Variants in WRN observed in about 807,000 individuals in gnomAD.
The protein encoded by WRN is bifunctional 3'-5' exonuclease/ATP-dependent helicase WRN.
WRN carries 149 observed loss-of-function variants against 180.7 expected under a neutral mutation model. The ratio of observed to expected loss-of-function variants is 0.82; its 90% CI spans 0.72 to 0.94. The LOEUF (loss-of-function observed/expected upper bound fraction) is 0.94. Among genes scored for constraint, WRN ranks in the 40% least tolerant of loss-of-function variants. The pLI, the probability that WRN is intolerant of heterozygous loss-of-function variation, is 0.00. For missense variants in WRN, 1,661 were observed against 1,700.1 expected (o/e 0.98, Z 0.40); for synonymous variants, 548 against 568.9 (o/e 0.96, Z 0.52).
intron 24 of WRN, among the ~76,000 whole-genome samples, chr8:31,134,262 A>G (rs1300465630): frequency 2.0e-5 from 3 of 152,194 alleles, no homozygotes; most frequent in African/African-American, 7.2e-5. Context: ...GGAAAAATTA[A>G]TATCTTTGTA....
chr8:31,131,871 G>T (rs1445320374), intron 23 of WRN: 3 of 158,858 alleles, frequency 1.9e-5, no homozygotes, highest in South Asian at 1.9e-4. Flanking sequence ...TACCAGGTCT[G>T]CCCCGAATGA....
At chr8:31,170,818 C>T (rs1585553943) in intron 34 of WRN, among the ~76,000 whole-genome samples, 1 of 152,106 alleles carries the variant, frequency 6.6e-6, no homozygotes, top group South Asian at 2.1e-4. Context: ...TGTTGACACT[C>T]AAAAGACACA....
chr8:31,155,511 A>G (rs756297840), intron 32 of WRN, among the ~76,000 whole-genome samples: 42 of 151,806 alleles, frequency 2.8e-4, no homozygotes, highest in Non-Finnish European at 5.7e-4. Flanking sequence ...AATCCCAGAT[A>G]CTTGGGAGGC....
In WRN at chr8:31,124,615, T is replaced by C. The variant is rs1554529190; in HGVS notation, c.2724T>C (p.Cys908=). 1 of 1,607,656 alleles carries C rather than the reference T, an allele frequency of 6.2e-7. No individual in the cohort carries two copies. Among genetic ancestry groups the C allele is most frequent in the Non-Finnish European group, 8.5e-7 (1 of 1,174,510 alleles). ...KMEKYLHSSR[C]RRQIILSHFE... is the part of the protein sequence containing the mutation. ...AAAAATATCTTCATTCTAGCAGATG[T>C]AGGAGACAGTATGTATTATTTATTT... Residue 908 remains cysteine (C), a synonymous_variant, in exon 22 of 35, where the codon TGT becomes TGC. Coordinates refer to ENST00000298139, the MANE Select transcript of WRN (RefSeq NM_000553.6).
chr8:31,054,958 G>A (rs112897018), intron 1 of WRN, among the ~76,000 whole-genome samples: 11,834 of 152,226 alleles, frequency 0.078, 518 homozygotes, highest in African/African-American at 0.13. Flanking sequence ...ACTTATAAGT[G>A]AGAACATGTG....
intron 26 of WRN, among the ~76,000 whole-genome samples, chr8:31,142,371 G>A (rs185120792): frequency 2.1e-4 from 32 of 152,308 alleles, no homozygotes; most frequent in African/African-American, 5.3e-4. Flanking sequence ...TACTTCTGGT[G>A]TGTAGAAGTG....
intron 1 of WRN, among the ~76,000 whole-genome samples, chr8:31,039,672 G>A (rs533347940): frequency 6.6e-6 from 1 of 152,184 alleles, no homozygotes; most frequent in East Asian, 1.9e-4. Flanking sequence ...ATTAAGTATG[G>A]TGTTAGCTGT....
At chr8:31,134,016 G>GGGAGTCCTCAAAT (rs1332983324) in intron 24 of WRN, among the ~76,000 whole-genome samples, 1 of 152,110 alleles carries the variant, frequency 6.6e-6, no homozygotes, top group African/African-American at 2.4e-5. Flanking sequence ...AGTCTCTTCT[G>GGGAGTCCTCAAAT]GGAGTCCTCA....
chr8:31,167,053 A>G lies in WRN; in HGVS notation c.4014A>G (p.Leu1338=). The change falls in exon 34 of 35, where the codon TTA becomes TTG. Residue 1338 remains leucine (L), a synonymous_variant. Coordinates refer to ENST00000298139, the MANE Select transcript of WRN (RefSeq NM_000553.6). ...DMSKISLIRM[L]VPENIDTYLI... is the part of the protein sequence containing the mutation. ...GTAAAATTAGCCTAATCAGAATGTTAGTTCCTGAAAACATTGACACGTACC... is the reference window on the plus strand; with the variant it reads ...GTAAAATTAGCCTAATCAGAATGTTGGTTCCTGAAAACATTGACACGTACC... 6.2e-7 allele frequency: 1 copy of G among 1,613,242 alleles called. No individual in the cohort carries two copies. The highest frequency in any genetic ancestry group is 8.5e-7 in the Non-Finnish European group (1 of 1,179,400).
intron 23 of WRN, among the ~76,000 whole-genome samples, chr8:31,130,015 C>CAAAA (rs140033395): frequency 2.3e-5 from 3 of 128,668 alleles, no homozygotes; most frequent in South Asian, 2.4e-4. Flanking sequence ...AAAAAAAAAA[C>CAAAA]AAAACAAAAC....
chr8:31,069,649 T>G (rs1812833965), intron 7 of WRN, among the ~76,000 whole-genome samples: 1 of 152,228 alleles, frequency 6.6e-6, no homozygotes, highest in Non-Finnish European at 1.5e-5. Context: ...CAGCATTTTA[T>G]ATAAGAGACT....
At chr8:31,119,706 CTA>C (rs1341558902) in intron 20 of WRN, among the ~76,000 whole-genome samples, 2 of 151,680 alleles carry the variant, frequency 1.3e-5, no homozygotes, top group African/African-American at 2.4e-5. Flanking sequence ...AAAAAATTTT[CTA>C]TGTCTTATCA....
At chr8:31,123,983 T>G (rs1215550113) in intron 21 of WRN, among the ~76,000 whole-genome samples, 1 of 152,080 alleles carries the variant, frequency 6.6e-6, no homozygotes, top group Admixed American at 6.6e-5. Flanking sequence ...AATACTTGAC[T>G]GGTGTCCCAT....
At chr8:31,134,673 A>G (rs1046301841) in intron 24 of WRN, among the ~76,000 whole-genome samples, 3 of 152,232 alleles carry the variant, frequency 2.0e-5, no homozygotes, top group African/African-American at 7.2e-5. Context: ...TTCTCTTCTG[A>G]TCACGTTAGC....
rs554736481 is a variant in WRN at position 31,094,742 on chromosome 8, A to G, written c.1899-2026A>G. Among the ~76,000 whole-genome samples, 7 of 152,280 alleles carry G rather than the reference A, an allele frequency of 4.6e-5. No individual in the cohort carries two copies. In the South Asian group the frequency reaches 1.4e-3, roughly 32 times the overall value. Reference sequence around the variant, plus strand: ...GTTTCTATAAATTAACTTATACATTATATGGCCTTTTGTGTCTGGCATCTT... The same window carrying G: ...GTTTCTATAAATTAACTTATACATTGTATGGCCTTTTGTGTCTGGCATCTT... On this transcript the variant is annotated intron_variant, in intron 16 of 34. Transcript: ENST00000298139.
At chr8:31,085,468 C>CTTTTTTTT (rs1038655830) in intron 11 of WRN, among the ~76,000 whole-genome samples, 1 of 142,436 alleles carries the variant, frequency 7.0e-6, no homozygotes, top group African/African-American at 2.6e-5. Context: ...TTTGTTCCTT[C>CTTTTTTTT]TTTTTTTTTT....
At position 31,142,612 on chromosome 8, in the gene WRN, T is replaced by G. The variant is rs766372085; in HGVS notation, c.3234-14T>G. 6.4e-6 allele frequency: 10 copies of G among 1,564,292 alleles called. No homozygotes were observed. Among genetic ancestry groups the G allele is most frequent in the Non-Finnish European group, 7.8e-6 (9 of 1,147,086 alleles). The stretch of plus-strand genomic sequence containing the variant: ...TCTTAACATTTGAAATAATTTAATT[T>G]TATTATTTTTTAGTTCGAAAACTGT... On this transcript the variant is annotated splice_polypyrimidine_tract_variant and intron_variant, in intron 26 of 34. Transcript: ENST00000298139.
intron 30 of WRN, among the ~76,000 whole-genome samples, chr8:31,149,123 G>A (rs539619287): frequency 7.1e-4 from 108 of 152,238 alleles, no homozygotes; most frequent in Non-Finnish European, 1.3e-3. Flanking sequence ...CTGGCCGGGC[G>A]CTGTGGCTCA....
chr8:31,090,896 A>C lies in WRN; in HGVS notation c.1783A>C (p.Ile595Leu). ...TTATGTAGGCAAGATTGGCCTTGTT[A>C]TCTCTCCCCTTATTTCTCTGATGGA... is the stretch of plus-strand genomic sequence containing the variant. ...PVYVGKIGLV[I>L]SPLISLMEDQ... is the part of the protein sequence containing the mutation. The change falls in exon 15 of 35, where the codon ATC (isoleucine) becomes CTC (leucine). Residue 595 changes from isoleucine to leucine, a missense_variant. Ile to Leu is a conservative substitution (Grantham distance 5). Coordinates refer to ENST00000298139, the MANE Select transcript of WRN (RefSeq NM_000553.6). 6.2e-7 allele frequency: 1 copy of C among 1,612,876 alleles called. No individual in the cohort carries two copies. The highest frequency in any genetic ancestry group is 8.5e-7 in the Non-Finnish European group (1 of 1,179,272).
Sources: gnomAD v4.1 joint callset for allele counts (sites outside exome capture counted in the v4.1 genomes callset) on GRCh38, gnomAD v4.1.1 for gene constraint, MANE v1.5 for transcripts, NCBI Gene and HGNC (gene_info 2026-07-23, HGNC 2026-07-21) for gene names.